Variants in KLHL4 observed in about 807,000 individuals in gnomAD.
KLHL4 encodes kelch-like protein 4.
KLHL4 carries 17 observed loss-of-function variants against 45.8 expected under a neutral mutation model. The observed-to-expected ratio is 0.37, with a 90% CI of 0.25 to 0.56. The LOEUF is 0.56. Among genes scored for constraint, KLHL4 ranks in the 20% least tolerant of loss-of-function variants. The pLI is 0.79. For synonymous variants in KLHL4, 224 were observed against 189.9 expected, an observed-to-expected ratio of 1.18 and a Z score of -1.47; for missense variants, 544 against 544.9, an observed-to-expected ratio of 1.00 and a Z score of 0.02.
At chrX:87,649,634 A>C (rs1291188410) in intron 9 of KLHL4, among the ~76,000 whole-genome samples, 1 of 111,916 alleles carries the variant, frequency 8.9e-6, no homozygotes, top group Non-Finnish European at 1.9e-5. Flanking sequence ...TTTTATACCT[A>C]GAATTTTATA....
intron 1 of KLHL4, among the ~76,000 whole-genome samples, chrX:87,537,279 T>C (rs1303972989): frequency 9.0e-6 from 1 of 111,576 alleles, no homozygotes; most frequent in Non-Finnish European, 1.9e-5. Context: ...CAATGTGTTT[T>C]TTGAAAACAC....
intron 1 of KLHL4, among the ~76,000 whole-genome samples, chrX:87,548,814 T>G (rs1381970503): frequency 1.4e-5 from 1 of 69,274 alleles, no homozygotes; most frequent in East Asian, 4.5e-4. Flanking sequence ...CCAGAGAAAA[T>G]AATCTTCACT....
chrX:87,664,588 G>A (rs1924302635), intron 9 of KLHL4, among the ~76,000 whole-genome samples, 176 bp from the exon 10 acceptor site: 1 of 111,839 alleles, frequency 8.9e-6, no homozygotes, highest in African/African-American at 3.3e-5. Context: ...GACACCTAGT[G>A]GCTGAAGGTA....
intron 9 of KLHL4, among the ~76,000 whole-genome samples, chrX:87,642,351 C>T (rs1036985741): frequency 1.8e-5 from 2 of 111,757 alleles, no homozygotes; most frequent in Admixed American, 1.9e-4. Context: ...GATAGCACTA[C>T]AGCAAGGGAA....
intron 3 of KLHL4, among the ~76,000 whole-genome samples, chrX:87,616,192 A>G (rs1374995081): frequency 9.0e-6 from 1 of 110,962 alleles, no homozygotes; most frequent in African/African-American, 3.3e-5. Flanking sequence ...AGGGATATGT[A>G]TGGAATTTGA....
At chrX:87,577,203 C>CCCTTTT (rs1457903432) in intron 1 of KLHL4, among the ~76,000 whole-genome samples, 1 of 111,629 alleles carries the variant, frequency 9.0e-6, no homozygotes, top group East Asian at 2.8e-4. Flanking sequence ...ATATATTTAA[C>CCCTTTT]CCTTTTCCTT....
intron 1 of KLHL4, among the ~76,000 whole-genome samples, chrX:87,606,812 A>T (rs1922214068): frequency 8.9e-6 from 1 of 111,763 alleles, no homozygotes; most frequent in African/African-American, 3.2e-5. Context: ...AAAATGTAGA[A>T]ACTATTTTCT....
In KLHL4 at chrX:87,525,617, G is replaced by A. The variant is rs774824711; in HGVS notation, c.422+7302G>A. 1.6e-4 allele frequency among the ~76,000 whole-genome samples: 18 copies of A among 111,240 alleles called. No homozygotes were observed. The South Asian group carries it at 6.8e-3, about 42-fold the overall frequency. ...GAAGTGAGAAAACTTAAATCAAATC[G>A]TTTTCAGTTATCTGATGTTTTAGGA... On this transcript the variant is annotated intron_variant, in intron 1 of 10. Transcript: ENST00000373119.
At chrX:87,634,668 G>A (rs971492807) in intron 8 of KLHL4, among the ~76,000 whole-genome samples, 17 of 111,915 alleles carry the variant, frequency 1.5e-4, no homozygotes, top group African/African-American at 5.5e-4. Context: ...TCAACGCATT[G>A]TTTTTAGAAC....
At chrX:87,666,402 A>G (rs371865134) in intron 10 of KLHL4, 73 bp from the exon 11 acceptor site, 19 of 989,991 alleles carry the variant, frequency 1.9e-5, no homozygotes, top group South Asian at 7.4e-5. Flanking sequence ...CTTCAACTAT[A>G]TTGAATATAA....
intron 1 of KLHL4, among the ~76,000 whole-genome samples, chrX:87,563,009 G>A (rs921702722): frequency 9.0e-6 from 1 of 111,186 alleles, no homozygotes; most frequent in Non-Finnish European, 1.9e-5. Flanking sequence ...TTTTAACCAA[G>A]ACCACCAAGT....
At chrX:87,653,577 C>A (rs189650142) in intron 9 of KLHL4, among the ~76,000 whole-genome samples, 58 of 111,627 alleles carry the variant, frequency 5.2e-4, no homozygotes, top group Non-Finnish European at 9.4e-4. Context: ...GTGGCAATTC[C>A]TCAAACATTT....
intron 1 of KLHL4, among the ~76,000 whole-genome samples, chrX:87,609,654 A>G (rs1280656325): frequency 1.8e-5 from 2 of 110,521 alleles, no homozygotes; most frequent in African/African-American, 3.3e-5. Flanking sequence ...GTAGATTCTG[A>G]ATATTAGCCC....
chrX:87,527,384 A>C (rs1364656902), intron 1 of KLHL4, among the ~76,000 whole-genome samples: 1 of 111,485 alleles, frequency 9.0e-6, no homozygotes, highest in African/African-American at 3.3e-5. Context: ...CCTCATCATC[A>C]TTCTATCACA....
intron 1 of KLHL4, among the ~76,000 whole-genome samples, chrX:87,578,244 CAAATT>C (rs202051221): frequency 0.022 from 2,397 of 110,736 alleles, 65 homozygotes; most frequent in African/African-American, 0.074. Context: ...ATCCCTAATT[CAAATT>C]AAATTAAATT....
intron 1 of KLHL4, among the ~76,000 whole-genome samples, chrX:87,531,323 A>C (rs1931270665): frequency 9.0e-6 from 1 of 110,687 alleles, no homozygotes; most frequent in African/African-American, 3.3e-5. Context: ...TTGGTGTTTT[A>C]GACATGAAGT....
At chrX:87,537,406 G>A (rs1931455254) in intron 1 of KLHL4, among the ~76,000 whole-genome samples, 1 of 110,536 alleles carries the variant, frequency 9.0e-6, no homozygotes, top group Non-Finnish European at 1.9e-5. Flanking sequence ...TTAATGTTTT[G>A]ATTTTATGTT....
At chrX:87,626,229 C>T (rs766832051) in intron 6 of KLHL4, among the ~76,000 whole-genome samples, 3 of 111,347 alleles carry the variant, frequency 2.7e-5, no homozygotes, top group African/African-American at 6.5e-5. Context: ...CAGACATCAA[C>T]GTGTAAGGTA....
chrX:87,540,245 A>C (rs1931522542), intron 1 of KLHL4, among the ~76,000 whole-genome samples: 1 of 111,206 alleles, frequency 9.0e-6, no homozygotes, highest in African/African-American at 3.3e-5. Context: ...AACACTGTAC[A>C]CCTAGGCTAC....
Sources: allele counts gnomAD v4.1 joint callset (sites outside exome capture counted in the v4.1 genomes callset), GRCh38; gene constraint gnomAD v4.1.1; transcripts MANE v1.5; gene names NCBI Gene and HGNC (gene_info 2026-07-23, HGNC 2026-07-21).